PTK2: variants seen among roughly 807,000 people sequenced by gnomAD.
PTK2 encodes protein tyrosine kinase 2, also known as focal adhesion kinase 1.
PTK2 carries 45 observed loss-of-function variants against 150.1 expected under a neutral mutation model. That is an observed-to-expected ratio of 0.30 (90% confidence interval 0.24 to 0.38). The LOEUF is 0.38. Ranked by LOEUF, PTK2 falls within the 10% of genes least tolerant of loss-of-function variation. The probability of loss-of-function intolerance (pLI) is 1.00; values close to 1 mark genes in which losing one functional copy is unlikely to be tolerated. For missense variants in PTK2, 919 were observed against 1,307.3 expected, an observed-to-expected ratio of 0.70 and a Z score of 4.58; for synonymous variants, 432 against 449.2, an observed-to-expected ratio of 0.96 and a Z score of 0.48.
chr8:140,686,573 A>G, intron 27 of PTK2, 59 bp downstream of exon 30: 1 of 1,319,958 alleles, frequency 7.6e-7, no homozygotes, highest in South Asian at 1.2e-5. Flanking sequence ...TGACATAAAC[A>G]CTGATGGTCC....
chr8:140,703,603 AC>A (rs2100031990), intron 24 of PTK2, among the ~76,000 whole-genome samples: 3 of 78,230 alleles, frequency 3.8e-5, no homozygotes, highest in Non-Finnish European at 1.0e-4. Context: ...AACAAGAATA[AC>A]AACAACAACA....
At chr8:140,951,254 C>T (rs1022570547) in intron 1 of PTK2, among the ~76,000 whole-genome samples, 1 of 152,168 alleles carries the variant, frequency 6.6e-6, no homozygotes. Flanking sequence ...TTTCTGTCTT[C>T]CAATGTGTCA....
At chr8:140,659,781 C>G in intron 31 of PTK2, 103 bp from the exon 36 acceptor site, 1 of 1,053,814 alleles carries the variant, frequency 9.5e-7, no homozygotes, top group Non-Finnish European at 1.4e-6. Context: ...CCTCAAACTC[C>G]TGGGCTCAAG....
At chr8:140,671,260 C>T (rs1021215967) in intron 29 of PTK2, among the ~76,000 whole-genome samples, 2 of 152,258 alleles carry the variant, frequency 1.3e-5, no homozygotes, top group African/African-American at 4.8e-5. Flanking sequence ...CTCGCTCTGT[C>T]GCCCAGGCTG....
At chr8:140,867,293 G>A (rs2100139908) in intron 4 of PTK2, among the ~76,000 whole-genome samples, 1 of 152,144 alleles carries the variant, frequency 6.6e-6, no homozygotes, top group African/African-American at 2.4e-5. Flanking sequence ...AAGATTCTGG[G>A]TGAGAAATAA....
intron 14 of PTK2, among the ~76,000 whole-genome samples, chr8:140,775,923 C>A (rs1309870239): frequency 1.3e-5 from 2 of 152,146 alleles, no homozygotes; most frequent in Non-Finnish European, 2.9e-5. Flanking sequence ...GTATCTTCGC[C>A]CCTGCACCTA....
intron 31 of PTK2, among the ~76,000 whole-genome samples, chr8:140,664,210 T>C (rs1368153413): frequency 1.3e-5 from 2 of 152,160 alleles, no homozygotes; most frequent in Non-Finnish European, 2.9e-5. Context: ...TCTCGATCTC[T>C]TGACCTCGTG....
At chr8:140,985,328 A>T (rs1423923192) in intron 1 of PTK2, among the ~76,000 whole-genome samples, 2 of 151,838 alleles carry the variant, frequency 1.3e-5, no homozygotes, top group African/African-American at 4.8e-5. Context: ...TCTCACTATG[A>T]TCCCCAGGCT....
At chr8:140,839,323 CT>C (rs2100120873) in intron 7 of PTK2, among the ~76,000 whole-genome samples, 1 of 152,180 alleles carries the variant, frequency 6.6e-6, no homozygotes, top group Non-Finnish European at 1.5e-5. Flanking sequence ...ACAAAGCCCC[CT>C]GGAACTCAGC....
chr8:140,969,667 G>C (rs962592675), intron 1 of PTK2, among the ~76,000 whole-genome samples: 1 of 152,052 alleles, frequency 6.6e-6, no homozygotes, highest in Non-Finnish European at 1.5e-5. Context: ...GTCAATTCTA[G>C]AGTTCCCCAA....
At chr8:140,927,975 A>AAAAAAAAAAAATATAT in intron 1 of PTK2, among the ~76,000 whole-genome samples, 1 of 48,194 alleles carries the variant, frequency 2.1e-5, no homozygotes, top group Non-Finnish European at 3.4e-5. Context: ...AAAAAAAAAA[A>AAAAAAAAAAAATATAT]ATATATATAT....
Position 140,669,834 on chromosome 8 carries a change from TA to T in PTK2, c.2710-1411del, listed in dbSNP as rs1448125653. 1.1e-5 allele frequency: 15 copies of T among 1,313,264 alleles called. No individual in the cohort carries two copies. In the Admixed American group the frequency reaches 3.0e-4, roughly 26 times the overall value. 81.4% of individuals were successfully genotyped at this position (1,313,264 alleles called of 1,614,324 possible). ...ATAAAGGCATAAGACAAATCCCCCA[TA>T]AAAACACATGAGCAGAACAAAAAGG... is the stretch of plus-strand genomic sequence containing the variant. On this transcript the variant is annotated intron_variant, in intron 29 of 31. Coordinates refer to ENST00000522684, the Ensembl canonical transcript of PTK2.
chr8:140,803,423 T>TTA (rs1334690929), intron 11 of PTK2, 120 bp downstream of exon 11: 1 of 765,900 alleles, frequency 1.3e-6, no homozygotes, highest in Admixed American at 2.2e-5. Flanking sequence ...TTTCTATATA[T>TTA]AAGAAAGTTG....
chr8:140,899,667 A>G (rs575007006), intron 2 of PTK2, among the ~76,000 whole-genome samples: 16 of 152,326 alleles, frequency 1.1e-4, no homozygotes, highest in African/African-American at 1.9e-4. Context: ...CTACAGGCCA[A>G]TATCACTGAG....
intron 10 of PTK2, 134 bp from the exon 11 acceptor site, chr8:140,803,784 A>G: frequency 1.3e-6 from 1 of 767,636 alleles, no homozygotes; most frequent in Non-Finnish European, 2.1e-6. Context: ...AAAAAAACAG[A>G]TTCTCCATGC....
At chr8:140,923,881 G>A (rs1485779329) in intron 2 of PTK2, among the ~76,000 whole-genome samples, 1 of 151,964 alleles carries the variant, frequency 6.6e-6, no homozygotes. Context: ...ACAGCCATAG[G>A]CCTCCTACCT....
At chr8:140,949,291 G>C (rs1337853284) in intron 1 of PTK2, among the ~76,000 whole-genome samples, 2 of 152,202 alleles carry the variant, frequency 1.3e-5, no homozygotes, top group Non-Finnish European at 2.9e-5. Context: ...ACTGATAGCA[G>C]TGGAAGCCAG....
chr8:140,998,692 G>A (rs1459445744), intron 1 of PTK2, among the ~76,000 whole-genome samples: 2 of 151,756 alleles, frequency 1.3e-5, no homozygotes, highest in Admixed American at 6.6e-5. Context: ...GGTGGCGGGC[G>A]CCTGTAGTCC....
intron 1 of PTK2, among the ~76,000 whole-genome samples, chr8:140,930,876 C>T (rs1314880167): frequency 6.6e-6 from 1 of 151,970 alleles, no homozygotes; most frequent in African/African-American, 2.4e-5. Context: ...AAGTTCAAGA[C>T]CAGCCTGAGT....
Sources: allele counts gnomAD v4.1 joint callset (sites outside exome capture counted in the v4.1 genomes callset), GRCh38; gene constraint gnomAD v4.1.1; transcripts MANE v1.5; gene names NCBI Gene and HGNC (gene_info 2026-07-23, HGNC 2026-07-21).